Variants in IFT57 observed in about 807,000 individuals in gnomAD.
IFT57 encodes intraflagellar transport 57, also known as intraflagellar transport protein 57 homolog.
IFT57 carries 59 observed loss-of-function variants against 56.8 expected under a neutral mutation model. The ratio of observed to expected loss-of-function variants is 1.04; its 90% CI spans 0.84 to 1.29. IFT57 has a LOEUF of 1.29. IFT57 is among the 50% of genes most tolerant of loss of function. The pLI, the probability that IFT57 is intolerant of heterozygous loss-of-function variation, is 0.00. For missense variants in IFT57, 470 were observed against 522.1 expected (o/e 0.90, Z 0.97); for synonymous variants, 209 against 186.1 (o/e 1.12, Z -1.00).
chr3:108,196,969 C>T (rs918024858), intron 5 of IFT57, among the ~76,000 whole-genome samples: 6 of 152,152 alleles, frequency 3.9e-5, no homozygotes, highest in African/African-American at 1.4e-4. Context: ...AATTTTTCTT[C>T]CCAATTGTTT....
At position 108,163,677 on chromosome 3, in the gene IFT57, C is replaced by T; in HGVS notation, c.1097G>A (p.Ser366Asn). 1.2e-6 allele frequency: 2 copies of T among 1,611,118 alleles called. No individual in the cohort carries two copies. Among genetic ancestry groups the T allele is most frequent in the Non-Finnish European group, 1.7e-6 (2 of 1,177,928 alleles). Residue 366 changes from serine (S) to asparagine (N), a missense_variant, in exon 10 of 11, where the codon AGC becomes AAC. Physicochemically the swap from Ser to Asn is conservative, Grantham distance 46. Transcript: ENST00000264538. ...VKQEMEEKGS[S>N]MTDGAPLVKI... The stretch of plus-strand genomic sequence containing the variant: ...CATGTACTTACCACCATCAGTCATG[C>T]TGCTGCCCTTTTCTTCCATTTCTTG...
intron 5 of IFT57, among the ~76,000 whole-genome samples, chr3:108,200,395 G>C (rs2080271120): frequency 6.6e-6 from 1 of 152,104 alleles, no homozygotes; most frequent in South Asian, 2.1e-4. Context: ...GATGGCCTGG[G>C]TAAAGATGAA....
In IFT57 at chr3:108,219,922, T is replaced by A. The variant is rs144967865; in HGVS notation, c.213-350A>T. Among the ~76,000 whole-genome samples the A allele has an allele frequency of 9.8e-4, 150 of 152,346 alleles. 1 individual carries two copies. Among genetic ancestry groups the A allele is most frequent in the Non-Finnish European group, 1.9e-3 (128 of 68,034 alleles). On this transcript the variant is annotated intron_variant, in intron 1 of 10. Coordinates refer to ENST00000264538, the MANE Select transcript of IFT57 (RefSeq NM_018010.4). ...AGTACCTTATGAATGAAAATGGTAA[T>A]CTGGAAGAACCTCAGAGTTTAAAAA...
At chr3:108,163,612 G>T in intron 10 of IFT57, 51 bp downstream of exon 10, 1 of 1,192,104 alleles carries the variant, frequency 8.4e-7, no homozygotes, top group South Asian at 1.3e-5. Flanking sequence ...GTTTCTTGAA[G>T]AGCTATTTTT....
chr3:108,175,301 C>G (rs1344841177), intron 6 of IFT57, among the ~76,000 whole-genome samples: 1 of 151,644 alleles, frequency 6.6e-6, no homozygotes, highest in African/African-American at 2.4e-5. Flanking sequence ...TACAGTATAT[C>G]ATTTCTTTAG....
chr3:108,189,117 CAGA>C, intron 6 of IFT57, among the ~76,000 whole-genome samples: 2 of 152,190 alleles, frequency 1.3e-5, no homozygotes, highest in East Asian at 1.9e-4. Flanking sequence ...TGAAGACTTC[CAGA>C]AGATTTTGCT....
chr3:108,166,064 A>G (rs1577046141), intron 8 of IFT57, among the ~76,000 whole-genome samples: 1 of 152,258 alleles, frequency 6.6e-6, no homozygotes, highest in South Asian at 2.1e-4. Context: ...GGAATAATAC[A>G]TTTAACAAAT....
At chr3:108,194,636 A>G (rs2080233673) in intron 5 of IFT57, among the ~76,000 whole-genome samples, 1 of 152,202 alleles carries the variant, frequency 6.6e-6, no homozygotes, top group Non-Finnish European at 1.5e-5. Flanking sequence ...TGGCATAAAA[A>G]CAGATGCAAA....
intron 6 of IFT57, among the ~76,000 whole-genome samples, chr3:108,177,816 A>G (rs1327636606): frequency 2.0e-5 from 3 of 151,818 alleles, no homozygotes; most frequent in Non-Finnish European, 4.4e-5. Flanking sequence ...TACACCCAAA[A>G]TAAGACTACA....
At chr3:108,186,356 T>C (rs2080182235) in intron 6 of IFT57, among the ~76,000 whole-genome samples, 1 of 147,282 alleles carries the variant, frequency 6.8e-6, no homozygotes, top group South Asian at 2.1e-4. Flanking sequence ...GGATAACAGG[T>C]TTCAAAATAT....
chr3:108,217,727 TA>T (rs58306903), intron 3 of IFT57, among the ~76,000 whole-genome samples: 92 of 145,434 alleles, frequency 6.3e-4, no homozygotes, highest in South Asian at 2.2e-3. Context: ...TAGTTCTAAT[TA>T]AAAAAAAAAA....
At chr3:108,193,534 A>G (rs112272947) in intron 5 of IFT57, among the ~76,000 whole-genome samples, 3 of 152,336 alleles carry the variant, frequency 2.0e-5, no homozygotes, top group African/African-American at 7.2e-5. Context: ...AACATTAAGT[A>G]AAATGTGAAA....
At position 108,219,485 on chromosome 3, in the gene IFT57, A is replaced by AC. The variant is rs2080392852; in HGVS notation, c.299dup (p.Pro101SerfsTer3). 6.2e-7 allele frequency: 1 copy of AC among 1,613,680 alleles called. No individual in the cohort carries two copies. The highest frequency in any genetic ancestry group is 8.5e-7 in the Non-Finnish European group (1 of 1,179,718). On this transcript the variant is annotated frameshift_variant, in exon 2 of 11. Coordinates refer to ENST00000264538, the MANE Select transcript of IFT57 (RefSeq NM_018010.4). LOFTEE classifies it high-confidence loss of function. ...CATATTCTTGAGGCTGCTCAAAGGG[A>AC]CGTCCCGCTTTATTAATCAACCAAG...
At chr3:108,210,078 C>T (rs1266949499) in intron 4 of IFT57, among the ~76,000 whole-genome samples, 1 of 152,114 alleles carries the variant, frequency 6.6e-6, no homozygotes, top group Non-Finnish European at 1.5e-5. Context: ...TATTAGAATA[C>T]AATAGGATTC....
chr3:108,184,155 C>T (rs1337934187), intron 6 of IFT57, among the ~76,000 whole-genome samples: 1 of 152,082 alleles, frequency 6.6e-6, no homozygotes. Flanking sequence ...CGAGGCATTG[C>T]TAAAGTGGCA....
In IFT57 at chr3:108,161,758, T is replaced by C. The variant is rs897016347; in HGVS notation, c.*719A>G. The C allele has an allele frequency of 5.9e-5, 9 of 152,142 alleles. No homozygotes were observed. The highest frequency in any genetic ancestry group is 1.3e-4 in the Non-Finnish European group (9 of 68,040). The allele number at this position is 152,142 out of a possible 1,614,324, so 9.4% of individuals were successfully genotyped here. On this transcript the variant is annotated 3_prime_UTR_variant, in exon 11 of 11. Coordinates refer to ENST00000264538, the MANE Select transcript of IFT57 (RefSeq NM_018010.4). Reference sequence around the variant, plus strand: ...TCTTCTACAAAATGGTTCCCTAGTATAGCCGATACCACAGAAAAAGGTAGA... The same window carrying C: ...TCTTCTACAAAATGGTTCCCTAGTACAGCCGATACCACAGAAAAAGGTAGA...
chr3:108,213,871 T>TA (rs1207831238), intron 4 of IFT57, 60 bp downstream of exon 4: 44 of 944,984 alleles, frequency 4.7e-5, no homozygotes, highest in Non-Finnish European at 6.9e-5. Context: ...TGGGGGAAAT[T>TA]AAGAGAATGG....
chr3:108,214,107 G>A, intron 3 of IFT57, 86 bp from the exon 4 acceptor site: 2 of 709,834 alleles, frequency 2.8e-6, no homozygotes, highest in South Asian at 2.1e-5. Flanking sequence ...TGTCCTCTAT[G>A]CCAGGTTTTG....
chr3:108,205,540 T>C (rs1482192650), intron 5 of IFT57, among the ~76,000 whole-genome samples: 15 of 151,394 alleles, frequency 9.9e-5, no homozygotes, highest in Non-Finnish European at 3.0e-5. Flanking sequence ...GCAGTATTGA[T>C]GCCTTAGTAT....
Sources: gnomAD v4.1 joint callset for allele counts (sites outside exome capture counted in the v4.1 genomes callset) on GRCh38, gnomAD v4.1.1 for gene constraint, MANE v1.5 for transcripts, NCBI Gene and HGNC (gene_info 2026-07-23, HGNC 2026-07-21) for gene names.